Variants in TMEM132D observed in about 807,000 individuals in gnomAD.
TMEM132D encodes the protein transmembrane protein 132D.
A neutral mutation model predicts 62.3 loss-of-function variants in TMEM132D; 21 were observed. The ratio of observed to expected loss-of-function variants is 0.34; its 90% CI spans 0.24 to 0.49. The LOEUF is 0.49. Among genes scored for constraint, TMEM132D ranks in the 20% least tolerant of loss-of-function variants. The pLI is 0.99. For synonymous variants in TMEM132D, 621 were observed against 575.6 expected, an observed-to-expected ratio of 1.08 and a Z score of -1.13; for missense variants, 1,346 against 1,402.8, an observed-to-expected ratio of 0.96 and a Z score of 0.65.
chr12:129,378,571 G>A (rs1202422199), intron 3 of TMEM132D, among the ~76,000 whole-genome samples: 2 of 152,160 alleles, frequency 1.3e-5, no homozygotes, highest in African/African-American at 4.8e-5. Flanking sequence ...TTAAATAATG[G>A]GGTCTCTCCA....
rs144021484 is a variant in TMEM132D, at chr12:129,109,476, CCT to C, written c.1444-24776_1444-24775del. Among the ~76,000 whole-genome samples, 66 of 152,264 alleles carry C rather than the reference CCT, an allele frequency of 4.3e-4. 1 individual carries two copies. In the East Asian group the frequency reaches 0.012, roughly 27 times the overall value. On this transcript the variant is annotated intron_variant, in intron 5 of 8. Transcript: ENST00000422113. ...GCAAACATCCAATTCATGCAGTCAC[CCT>C]CTGATATGGTTTGGCTGTGTCCACA...
At chr12:129,692,821 G>A (rs889891868) in intron 2 of TMEM132D, among the ~76,000 whole-genome samples, 5 of 151,976 alleles carry the variant, frequency 3.3e-5, no homozygotes, top group Non-Finnish European at 5.9e-5. Context: ...CACAGAGAGC[G>A]GAACAACATT....
intron 4 of TMEM132D, among the ~76,000 whole-genome samples, chr12:129,306,330 C>A (rs1025971876): frequency 6.6e-6 from 1 of 152,172 alleles, no homozygotes; most frequent in African/African-American, 2.4e-5. Context: ...CTGGCTTATG[C>A]AGTAGATAAG....
At chr12:129,574,051 T>G (rs1391905712) in intron 2 of TMEM132D, among the ~76,000 whole-genome samples, 1 of 151,960 alleles carries the variant, frequency 6.6e-6, no homozygotes, top group Non-Finnish European at 1.5e-5. Flanking sequence ...TTGGTACATT[T>G]AAGATGTCTG....
intron 5 of TMEM132D, among the ~76,000 whole-genome samples, chr12:129,188,569 T>A (rs1878282227): frequency 6.6e-6 from 1 of 152,204 alleles, no homozygotes; most frequent in South Asian, 2.1e-4. Context: ...CCCTGTGGTT[T>A]CCAACTAGGG....
chr12:129,494,214 C>T (rs956549109), intron 3 of TMEM132D, among the ~76,000 whole-genome samples: 2 of 152,170 alleles, frequency 1.3e-5, no homozygotes, highest in East Asian at 1.9e-4. Flanking sequence ...TAGAGAGCCG[C>T]GCTTCTCTTG....
intron 3 of TMEM132D, among the ~76,000 whole-genome samples, chr12:129,375,581 T>C (rs1870759041): frequency 6.6e-6 from 1 of 152,202 alleles, no homozygotes; most frequent in Admixed American, 6.5e-5. Context: ...TCAAACTGTA[T>C]GGAGGAGTTA....
chr12:129,802,563 G>A lies in TMEM132D; in HGVS notation c.79+100698C>T, dbSNP rs371274009. Among the ~76,000 whole-genome samples, 404 of 102,442 alleles carry A rather than the reference G, an allele frequency of 3.9e-3. 3 individuals carry two copies. Among genetic ancestry groups the A allele is most frequent in the African/African-American group, 0.014 (369 of 26,696 alleles). The allele number at this position is 102,442 out of a possible 152,430, so 67.2% of individuals were successfully genotyped here. A position where few individuals can be genotyped will look rare whatever the true frequency, so the allele number is the denominator to read the frequency against. ...GCGCTAAACATGGAAAGGAACAACC[G>A]GTACCAGCCGCTGCAAAATCATGCC... On this transcript the variant is annotated intron_variant, in intron 1 of 8. Coordinates refer to ENST00000422113, the MANE Select transcript of TMEM132D (RefSeq NM_133448.3).
intron 5 of TMEM132D, among the ~76,000 whole-genome samples, chr12:129,167,251 C>T (rs76087504): frequency 4.6e-5 from 7 of 151,940 alleles, no homozygotes; most frequent in East Asian, 1.9e-4. Flanking sequence ...AATGCTGAGA[C>T]GAGGAGGCCT....
At chr12:129,886,940 C>T (rs1182651929) in intron 1 of TMEM132D, among the ~76,000 whole-genome samples, 1 of 152,166 alleles carries the variant, frequency 6.6e-6, no homozygotes, top group Admixed American at 6.5e-5. Context: ...CTTCTCCTTC[C>T]ACCATGATTG....
chr12:129,216,674 T>C (rs1181763202), intron 4 of TMEM132D, among the ~76,000 whole-genome samples: 2 of 152,198 alleles, frequency 1.3e-5, no homozygotes, highest in Non-Finnish European at 2.9e-5. Flanking sequence ...AGCCATCACG[T>C]TGTGTTACTT....
intron 3 of TMEM132D, among the ~76,000 whole-genome samples, chr12:129,525,050 T>C (rs1381914034): frequency 3.4e-5 from 5 of 145,668 alleles, no homozygotes; most frequent in East Asian, 2.1e-4. Context: ...TTCAGCCTCC[T>C]GTGTAGCTGG....
intron 3 of TMEM132D, among the ~76,000 whole-genome samples, chr12:129,432,123 GTGGA>G (rs113591569): frequency 0.021 from 2,993 of 145,280 alleles, 69 homozygotes; most frequent in East Asian, 0.097. Flanking sequence ...GGATGGATAG[GTGGA>G]TGGATGGATG....
chr12:129,505,913 C>A (rs1270341654), intron 3 of TMEM132D, among the ~76,000 whole-genome samples: 2 of 152,112 alleles, frequency 1.3e-5, no homozygotes, highest in Admixed American at 6.5e-5. Flanking sequence ...TTATGTGAGT[C>A]CTTATGTGTT....
At chr12:129,832,035 C>CTTTTTTTTTTTTTTTTT (rs71085577) in intron 1 of TMEM132D, among the ~76,000 whole-genome samples, 10 of 94,148 alleles carry the variant, frequency 1.1e-4, no homozygotes, top group Non-Finnish European at 1.5e-4. Flanking sequence ...ATGCCCGGCT[C>CTTTTTTTTTTTTTTTTT]TTTTTTTTTT....
At chr12:129,742,910 C>A (rs1203172616) in intron 1 of TMEM132D, among the ~76,000 whole-genome samples, 3 of 152,204 alleles carry the variant, frequency 2.0e-5, no homozygotes, top group Admixed American at 6.5e-5. Context: ...AATAAGAACC[C>A]ACTGGGAAGC....
intron 1 of TMEM132D, among the ~76,000 whole-genome samples, chr12:129,752,142 C>G (rs1358072838): frequency 6.6e-6 from 1 of 151,922 alleles, no homozygotes; most frequent in Non-Finnish European, 1.5e-5. Context: ...GGAGATAAAT[C>G]TATATAACTT....
intron 1 of TMEM132D, among the ~76,000 whole-genome samples, chr12:129,709,015 G>A (rs1414701052): frequency 6.6e-6 from 1 of 152,158 alleles, no homozygotes; most frequent in African/African-American, 2.4e-5. Flanking sequence ...TGGACATCAG[G>A]CGCTATTACA....
intron 1 of TMEM132D, among the ~76,000 whole-genome samples, chr12:129,859,331 A>G (rs1349509685): frequency 6.6e-6 from 1 of 152,238 alleles, no homozygotes; most frequent in Non-Finnish European, 1.5e-5. Flanking sequence ...TTTGCCATTA[A>G]ACGTAATAGC....
Sources: allele counts gnomAD v4.1 joint callset (sites outside exome capture counted in the v4.1 genomes callset), GRCh38; gene constraint gnomAD v4.1.1; transcripts MANE v1.5; gene names NCBI Gene and HGNC (gene_info 2026-07-23, HGNC 2026-07-21).